Variants in FBN2 observed in about 807,000 individuals in gnomAD.
The protein encoded by FBN2 is fibrillin 2, also known as fibrillin-2.
A neutral mutation model predicts 355.6 loss-of-function variants in FBN2; 105 were observed. The observed-to-expected ratio is 0.30, with a 90% CI of 0.25 to 0.35. The LOEUF is 0.35. Among genes scored for constraint, FBN2 ranks in the 10% least tolerant of loss-of-function variants. FBN2 has a pLI of 1.00. For synonymous variants in FBN2, 1,350 were observed against 1,301.2 expected, an observed-to-expected ratio of 1.04 and a Z score of -0.81; for missense variants, 3,280 against 3,758.7, an observed-to-expected ratio of 0.87 and a Z score of 3.33.
At chr5:128,313,651 C>T (rs1004180844) in intron 36 of FBN2, among the ~76,000 whole-genome samples, 5 of 151,570 alleles carry the variant, frequency 3.3e-5, no homozygotes, top group Non-Finnish European at 5.9e-5. Flanking sequence ...TATCTGGAAT[C>T]GACCATCCTG....
chr5:128,374,124 C>T (rs994774426), intron 15 of FBN2, among the ~76,000 whole-genome samples: 3 of 151,786 alleles, frequency 2.0e-5, no homozygotes, highest in Non-Finnish European at 1.5e-5. Context: ...TATATTTTTT[C>T]TTCTCCAGCA....
intron 7 of FBN2, among the ~76,000 whole-genome samples, 173 bp from the exon 8 acceptor site, chr5:128,408,972 G>A (rs940527917): frequency 1.3e-5 from 2 of 152,028 alleles, no homozygotes; most frequent in Non-Finnish European, 1.5e-5. Flanking sequence ...ATATCTATGG[G>A]AACTGAGATG....
intron 5 of FBN2, among the ~76,000 whole-genome samples, chr5:128,512,146 C>T (rs763957466): frequency 2.0e-5 from 3 of 152,146 alleles, no homozygotes; most frequent in East Asian, 1.9e-4. Flanking sequence ...GTGAAACTTA[C>T]GCTGTTCACA....
rs538697382 is a variant in FBN2 at position 128,269,782 on chromosome 5, T to G, written c.7960+2217A>C. Among the ~76,000 whole-genome samples, 9 of 152,256 alleles carry G rather than the reference T, an allele frequency of 5.9e-5. No homozygotes were observed. In the South Asian group the frequency reaches 1.9e-3, roughly 32 times the overall value. The stretch of plus-strand genomic sequence containing the variant: ...TCCTCATGGATAGAAAGAATCAACA[T>G]TGTGAAAATGGCCATACTGCCCAAA... On this transcript the variant is annotated intron_variant, in intron 62 of 64. Transcript: ENST00000262464.
At chr5:128,282,793 G>A (rs964929356) in intron 55 of FBN2, among the ~76,000 whole-genome samples, 19 of 151,828 alleles carry the variant, frequency 1.3e-4, no homozygotes, top group African/African-American at 4.4e-4. Context: ...GTCAATTATC[G>A]ACCTTTCCAT....
chr5:128,490,564 A>T (rs1327893201), intron 5 of FBN2, among the ~76,000 whole-genome samples: 4 of 152,224 alleles, frequency 2.6e-5, no homozygotes, highest in African/African-American at 9.6e-5. Flanking sequence ...TTGTAATATC[A>T]AGTATATATA....
intron 15 of FBN2, chr5:128,371,212 C>G (rs1258777850): frequency 6.6e-6 from 1 of 152,104 alleles, no homozygotes; most frequent in East Asian, 1.9e-4. Context: ...CCCTACTGAC[C>G]TTTTCCTGTT....
intron 46 of FBN2, among the ~76,000 whole-genome samples, 163 bp from the exon 47 acceptor site, chr5:128,301,673 T>A (rs879910529): frequency 6.6e-6 from 1 of 152,206 alleles, no homozygotes; most frequent in Admixed American, 6.6e-5. Context: ...AAGGATCATA[T>A]AATTAATAGG....
intron 5 of FBN2, among the ~76,000 whole-genome samples, chr5:128,490,344 A>G (rs896373316): frequency 1.3e-5 from 2 of 152,204 alleles, no homozygotes; most frequent in African/African-American, 4.8e-5. Flanking sequence ...TTTCTGCTGA[A>G]GACAAAACCA....
chr5:128,483,400 T>C (rs1161065712), intron 5 of FBN2, among the ~76,000 whole-genome samples: 1 of 152,138 alleles, frequency 6.6e-6, no homozygotes, highest in African/African-American at 2.4e-5. Flanking sequence ...TTGATATGAA[T>C]AAAAAGCACT....
intron 6 of FBN2, among the ~76,000 whole-genome samples, chr5:128,449,493 T>C (rs920544021): frequency 1.3e-5 from 2 of 148,700 alleles, no homozygotes; most frequent in African/African-American, 4.9e-5. Context: ...ATAATAATAT[T>C]ATACTATTTG....
chr5:128,335,502 C>G lies in FBN2; in HGVS notation c.3800G>C (p.Ser1267Thr). 6.2e-7 allele frequency: 1 copy of G among 1,614,180 alleles called. No individual in the cohort carries two copies. The highest frequency in any genetic ancestry group is 8.5e-7 in the Non-Finnish European group (1 of 1,179,982). The change falls in exon 29 of 65, where the codon AGC becomes ACC. Residue 1267 changes from serine to threonine, a missense_variant. Ser to Thr is a moderately conservative substitution (Grantham distance 58, BLOSUM62 1). This residue lies in a region of FBN2 where 2,284 missense variants were observed against 2,749.5 expected (regional missense o/e 0.83). Coordinates refer to ENST00000262464, the MANE Select transcript of FBN2 (RefSeq NM_001999.4). The part of the protein sequence containing the change: ...CTNSEGSYEC[S>T]CSEGYALMPD... ...CATCAGGGCATAACCCTCACTGCAG[C>G]TGCATTCGTAGCTTCCCTCTGAATT... is the stretch of plus-strand genomic sequence containing the variant.
intron 37 of FBN2, 108 bp from the exon 38 acceptor site, chr5:128,312,061 G>T (rs1168231998): frequency 6.7e-6 from 5 of 743,648 alleles, no homozygotes; most frequent in Middle Eastern, 3.3e-4. Flanking sequence ...CCTAAGGGGT[G>T]TATCCAAATT....
chr5:128,467,237 C>A (rs908015521), intron 5 of FBN2, among the ~76,000 whole-genome samples: 3 of 152,134 alleles, frequency 2.0e-5, no homozygotes, highest in Non-Finnish European at 4.4e-5. Context: ...CTGCAAATGA[C>A]CTTTCTTGTT....
chr5:128,525,926 T>A (rs766956864), intron 4 of FBN2, among the ~76,000 whole-genome samples: 3 of 152,162 alleles, frequency 2.0e-5, no homozygotes, highest in Non-Finnish European at 4.4e-5. Context: ...ATTCACATAT[T>A]ATCTATGGTC....
intron 7 of FBN2, among the ~76,000 whole-genome samples, chr5:128,428,294 C>T (rs1753533597): frequency 6.6e-6 from 1 of 152,320 alleles, no homozygotes; most frequent in Admixed American, 6.5e-5. Flanking sequence ...AACTGAAAAG[C>T]TCTAACAGCT....
intron 7 of FBN2, among the ~76,000 whole-genome samples, chr5:128,420,336 C>T: frequency 6.6e-6 from 1 of 152,126 alleles, no homozygotes; most frequent in East Asian, 1.9e-4. Context: ...TCCAGACCAG[C>T]CACTTAACAT....
rs749443174 is a variant in FBN2 at position 128,290,898 on chromosome 5, CA to C, written c.6293-15del. On this transcript the variant is annotated splice_polypyrimidine_tract_variant and intron_variant, in intron 49 of 64. Coordinates refer to ENST00000262464, the MANE Select transcript of FBN2 (RefSeq NM_001999.4). ...TCTGGCGAGTATCTAATCAAAAAAG[CA>C]AACATTACAGATGGAATTATTTTGT... 2.5e-6 allele frequency: 4 copies of C among 1,611,956 alleles called. No individual in the cohort carries two copies. The South Asian group carries it at 3.3e-5, about 13-fold the overall frequency.
chr5:128,525,587 C>T (rs1345967336), intron 4 of FBN2, among the ~76,000 whole-genome samples: 4 of 152,034 alleles, frequency 2.6e-5, no homozygotes, highest in South Asian at 2.1e-4. Flanking sequence ...ACACATTGGC[C>T]CCTCCTATTC....
Sources: allele counts gnomAD v4.1 joint callset (sites outside exome capture counted in the v4.1 genomes callset), GRCh38; gene constraint gnomAD v4.1.1; regional missense constraint gnomAD v4.1.1; transcripts MANE v1.5; gene names NCBI Gene and HGNC (gene_info 2026-07-23, HGNC 2026-07-21).